The following TUSC3 variants were observed in gnomAD, a reference collection of about 807,000 sequenced individuals.
TUSC3 encodes dolichyl-diphosphooligosaccharide--protein glycosyltransferase subunit TUSC3.
In TUSC3, 45 loss-of-function variants were observed where a neutral mutation model predicts 44.8. The observed-to-expected ratio is 1.00, with a 90% CI of 0.79 to 1.29. The LOEUF is 1.29. Ranked by LOEUF, TUSC3 falls within the 50% of genes most tolerant of loss-of-function variation. TUSC3 has a pLI of 0.00. For missense variants in TUSC3, 519 were observed against 437.9 expected (o/e 1.19, Z -1.65); for synonymous variants, 212 against 152.9 (o/e 1.39, Z -2.85).
intron 2 of TUSC3, among the ~76,000 whole-genome samples, chr8:15,637,310 C>T (rs1444498892): frequency 1.3e-5 from 2 of 152,116 alleles, no homozygotes; most frequent in Non-Finnish European, 2.9e-5. Flanking sequence ...TTTCAGTCAA[C>T]TCCATTTTTC....
At chr8:15,783,493 T>G in the TUSC3 span, among the ~76,000 whole-genome samples, 1 of 152,158 alleles carries the variant, frequency 6.6e-6, no homozygotes, top group African/African-American at 2.4e-5. Flanking sequence ...GCTATGGTAT[T>G]CAAAACAACA....
At chr8:15,425,603 A>C (rs149373178) in intron 1 of TUSC3, among the ~76,000 whole-genome samples, 36 of 152,374 alleles carry the variant, frequency 2.4e-4, no homozygotes, top group African/African-American at 8.4e-4. Flanking sequence ...ATGTAAGTTC[A>C]AAGTGTGGCC....
At chr8:15,538,116 A>G (rs1163963919), upstream of TUSC3, among the ~76,000 whole-genome samples, 1 of 152,240 alleles carries the variant, frequency 6.6e-6, no homozygotes, top group Admixed American at 6.5e-5. Flanking sequence ...ATGACTGGTT[A>G]TACAACTAGG....
At chr8:15,570,014 A>G (rs960544173) in intron 1 of TUSC3, among the ~76,000 whole-genome samples, 1 of 152,134 alleles carries the variant, frequency 6.6e-6, no homozygotes, top group Non-Finnish European at 1.5e-5. Flanking sequence ...TCCATTATAA[A>G]TAATTTTGGA....
intron 1 of TUSC3, among the ~76,000 whole-genome samples, chr8:15,429,794 G>A (rs1484535027): frequency 2.0e-5 from 3 of 151,478 alleles, no homozygotes; most frequent in Non-Finnish European, 4.4e-5. Flanking sequence ...AATGACAAAG[G>A]GGATATCACC....
rs906246339 is a variant in TUSC3, at chr8:15,631,321, C to A, written c.308+8072C>A. 3.3e-5 allele frequency among the ~76,000 whole-genome samples: 5 copies of A among 152,078 alleles called. No homozygotes were observed. In the East Asian group the frequency reaches 9.7e-4, roughly 29 times the overall value. The stretch of plus-strand genomic sequence containing the variant: ...GTGTCTCTTCCTCAGATAGGATAAT[C>A]CCACCATTTTTACTGTTTACAGCAA... On this transcript the variant is annotated intron_variant, in intron 2 of 10. Coordinates refer to ENST00000503731, the MANE Select transcript of TUSC3 (RefSeq NM_006765.4).
At chr8:15,475,474 C>T (rs539033798) in intron 1 of TUSC3, among the ~76,000 whole-genome samples, 1 of 152,126 alleles carries the variant, frequency 6.6e-6, no homozygotes, top group East Asian at 1.9e-4. Flanking sequence ...TTCTGTTTAT[C>T]TCTCAGTCTC....
At chr8:15,688,558 G>A (rs1349292774) in intron 6 of TUSC3, among the ~76,000 whole-genome samples, 2 of 151,918 alleles carry the variant, frequency 1.3e-5, no homozygotes, top group East Asian at 1.9e-4. Context: ...CATAGTACCC[G>A]ATGGGTAGTT....
intron 1 of TUSC3, among the ~76,000 whole-genome samples, chr8:15,462,132 G>C (rs917063074): frequency 6.6e-6 from 1 of 152,042 alleles, no homozygotes; most frequent in Non-Finnish European, 1.5e-5. Context: ...AGGTTGCTAA[G>C]AGAACCTGGT....
chr8:15,621,269 C>G (rs937333465), intron 1 of TUSC3, among the ~76,000 whole-genome samples: 8 of 151,480 alleles, frequency 5.3e-5, no homozygotes, highest in Non-Finnish European at 1.2e-4. Flanking sequence ...ATACTGGAGA[C>G]TTTAAAACTT....
At chr8:15,532,091 A>T (rs1486700028) in intron 2 of TUSC3, among the ~76,000 whole-genome samples, 1 of 152,116 alleles carries the variant, frequency 6.6e-6, no homozygotes, top group Non-Finnish European at 1.5e-5. Flanking sequence ...AATGCACCTA[A>T]GTTTTTTTTC....
At chr8:15,491,770 C>A (rs1800812502) in intron 2 of TUSC3, among the ~76,000 whole-genome samples, 1 of 152,186 alleles carries the variant, frequency 6.6e-6, no homozygotes. Flanking sequence ...CTGAAGAAAA[C>A]AGGCTGAACA....
At chr8:15,752,830 G>T (rs968717425) in intron 9 of TUSC3, among the ~76,000 whole-genome samples, 10 of 151,980 alleles carry the variant, frequency 6.6e-5, no homozygotes, top group African/African-American at 2.4e-4. Flanking sequence ...TAAGAAAAAT[G>T]TTGACAATTA....
intron 10 of TUSC3, chr8:15,758,106 AC>A: frequency 8.0e-7 from 1 of 1,242,326 alleles, no homozygotes; most frequent in South Asian, 2.5e-5. Context: ...CAATGCTTCC[AC>A]CCCCAACAAA....
chr8:15,466,729 C>T (rs903851851), intron 1 of TUSC3, among the ~76,000 whole-genome samples: 5 of 152,004 alleles, frequency 3.3e-5, no homozygotes, highest in Admixed American at 6.6e-5. Context: ...TTTGTTGTTG[C>T]TATTGTTTTG....
At chr8:15,480,666 C>T (rs1316546091) in intron 1 of TUSC3, among the ~76,000 whole-genome samples, 1 of 152,168 alleles carries the variant, frequency 6.6e-6, no homozygotes, top group African/African-American at 2.4e-5. Context: ...CTCTTGTTTC[C>T]TCTTCACAGT....
At chr8:15,713,273 C>G (rs1440340070) in intron 6 of TUSC3, among the ~76,000 whole-genome samples, 1 of 152,062 alleles carries the variant, frequency 6.6e-6, no homozygotes, top group Non-Finnish European at 1.5e-5. Context: ...CTGTGCTTTT[C>G]CACACATATT....
intron 1 of TUSC3, among the ~76,000 whole-genome samples, chr8:15,570,425 A>T (rs1033539414): frequency 1.3e-5 from 2 of 152,174 alleles, no homozygotes; most frequent in African/African-American, 4.8e-5. Flanking sequence ...TAGCATATGA[A>T]GCTACATAAA....
intron 1 of TUSC3, among the ~76,000 whole-genome samples, chr8:15,552,225 G>A (rs1487074500): frequency 6.6e-6 from 1 of 151,644 alleles, no homozygotes; most frequent in Non-Finnish European, 1.5e-5. Flanking sequence ...CTAAAATATG[G>A]CACATGTTAC....
Sources: gnomAD v4.1 joint callset for allele counts (sites outside exome capture counted in the v4.1 genomes callset) on GRCh38, gnomAD v4.1.1 for gene constraint, MANE v1.5 for transcripts, NCBI Gene and HGNC (gene_info 2026-07-23, HGNC 2026-07-21) for gene names.